Variants in GSK3B observed in about 807,000 individuals in gnomAD.
The protein encoded by GSK3B is glycogen synthase kinase-3 beta.
A neutral mutation model predicts 56.4 loss-of-function variants in GSK3B; 15 were observed. The observed-to-expected ratio is 0.27, with a 90% confidence interval of 0.18 to 0.41. The LOEUF is 0.41. Ranked by LOEUF, GSK3B falls within the 10% of genes least tolerant of loss-of-function variation. GSK3B has a pLI of 1.00. For missense variants in GSK3B, 300 were observed against 513.4 expected (o/e 0.58, Z 4.02); for synonymous variants, 181 against 188.9 (o/e 0.96, Z 0.34).
chr3:119,837,976 G>A (rs2055717409), intron 10 of GSK3B, among the ~76,000 whole-genome samples: 1 of 140,332 alleles, frequency 7.1e-6, no homozygotes, highest in African/African-American at 2.7e-5. Context: ...ATATATTTCA[G>A]TCGACATAAG....
intron 6 of GSK3B, among the ~76,000 whole-genome samples, chr3:119,906,964 C>T (rs979568853): frequency 6.6e-6 from 1 of 151,958 alleles, no homozygotes; most frequent in African/African-American, 2.4e-5. Flanking sequence ...TTGATTTTGT[C>T]CAGTCCTAAC....
intron 2 of GSK3B, among the ~76,000 whole-genome samples, chr3:119,994,653 C>T (rs2057597850): frequency 6.6e-6 from 1 of 152,112 alleles, no homozygotes; most frequent in Non-Finnish European, 1.5e-5. Flanking sequence ...CAATGACATT[C>T]TTTCCAAAAA....
intron 1 of GSK3B, chr3:120,028,705 T>G (rs528564602): frequency 1.1e-4 from 51 of 452,676 alleles, no homozygotes; most frequent in African/African-American, 1.0e-3. Flanking sequence ...CAAAACCATG[T>G]CCTTGCAGGC....
chr3:119,838,892 A>G, intron 10 of GSK3B, among the ~76,000 whole-genome samples: 1 of 152,208 alleles, frequency 6.6e-6, no homozygotes, highest in East Asian at 1.9e-4. Context: ...CTCTTGTTTT[A>G]TACTATAATG....
intron 6 of GSK3B, 133 bp from the exon 7 acceptor site, chr3:119,905,985 G>A: frequency 8.4e-6 from 5 of 592,132 alleles, no homozygotes; most frequent in East Asian, 2.7e-5. Flanking sequence ...CCAAAACAGA[G>A]AAAAAGTCAT....
chr3:119,990,269 C>G (rs1303937267), intron 2 of GSK3B, among the ~76,000 whole-genome samples: 1 of 152,066 alleles, frequency 6.6e-6, no homozygotes, highest in East Asian at 1.9e-4. Flanking sequence ...CAGAGAGATT[C>G]TAACCCCACC....
chr3:119,846,568 G>A (rs2055860220), intron 9 of GSK3B, among the ~76,000 whole-genome samples: 1 of 152,154 alleles, frequency 6.6e-6, no homozygotes, highest in Admixed American at 6.5e-5. Context: ...TTAGAGAAAT[G>A]CAAATCAAAA....
At chr3:120,015,101 A>T (rs577620533) in intron 1 of GSK3B, among the ~76,000 whole-genome samples, 1 of 152,372 alleles carries the variant, frequency 6.6e-6, no homozygotes, top group Non-Finnish European at 1.5e-5. Flanking sequence ...AAATGGAAAT[A>T]GCTGCTACTT....
chr3:119,975,527 GA>G (rs1242161234), intron 2 of GSK3B, among the ~76,000 whole-genome samples: 1 of 152,094 alleles, frequency 6.6e-6, no homozygotes, highest in East Asian at 1.9e-4. Flanking sequence ...AAGCTAATCT[GA>G]AAAGGCTATA....
At chr3:119,854,087 C>T (rs1036214391) in intron 9 of GSK3B, among the ~76,000 whole-genome samples, 3 of 152,128 alleles carry the variant, frequency 2.0e-5, no homozygotes, top group Admixed American at 6.6e-5. Flanking sequence ...ATTTCAGATA[C>T]GTCCCATCAA....
chr3:119,937,529 T>C (rs1193400900), intron 3 of GSK3B, among the ~76,000 whole-genome samples: 3 of 152,070 alleles, frequency 2.0e-5, no homozygotes, highest in African/African-American at 7.3e-5. Flanking sequence ...AGGTATTCCT[T>C]TATAGCAGCA....
At chr3:119,842,442 A>G (rs1426982784) in intron 10 of GSK3B, among the ~76,000 whole-genome samples, 1 of 152,168 alleles carries the variant, frequency 6.6e-6, no homozygotes, top group Non-Finnish European at 1.5e-5. Context: ...TAAACTTATA[A>G]TTTATACTTC....
At chr3:119,852,354 T>G (rs1487309540) in intron 9 of GSK3B, among the ~76,000 whole-genome samples, 1 of 145,212 alleles carries the variant, frequency 6.9e-6, no homozygotes, top group Non-Finnish European at 1.5e-5. Flanking sequence ...AGAACTCTAT[T>G]TTTTTTTTTT....
At chr3:120,014,928 C>T (rs374186102) in intron 1 of GSK3B, among the ~76,000 whole-genome samples, 18 of 152,274 alleles carry the variant, frequency 1.2e-4, no homozygotes, top group African/African-American at 3.9e-4. Flanking sequence ...AGGAAGACAT[C>T]ATGCTACTGA....
rs1331331735 is a variant in GSK3B at position 119,822,398 on chromosome 3, A to G, written c.*4390T>C. The stretch of plus-strand genomic sequence containing the variant: ...TTTACAGGCAAGCAGATTTTCATAC[A>G]ACTATCTGTATCTGCCTGTAGACAG... On this transcript the variant is annotated 3_prime_UTR_variant, in exon 11 of 11. Transcript: ENST00000264235. 2 of 217,638 alleles carry G rather than the reference A, an allele frequency of 9.2e-6. No homozygotes were observed. The highest frequency in any genetic ancestry group is 9.2e-6 in the Non-Finnish European group (1 of 108,492). 13.5% of individuals were successfully genotyped at this position (217,638 alleles called of 1,614,324 possible).
At chr3:120,063,696 GCA>G (rs2058256438) in intron 1 of GSK3B, among the ~76,000 whole-genome samples, 1 of 135,320 alleles carries the variant, frequency 7.4e-6, no homozygotes, top group Admixed American at 8.0e-5. Context: ...CCATTACACT[GCA>G]GCCTGGGTGA....
intron 7 of GSK3B, among the ~76,000 whole-genome samples, chr3:119,899,698 A>G (rs2108074432): frequency 6.6e-6 from 1 of 152,300 alleles, no homozygotes; most frequent in East Asian, 1.9e-4. Context: ...TAACAAAAAC[A>G]AAAAATTGAA....
At chr3:119,930,666 C>A (rs902659940) in intron 3 of GSK3B, among the ~76,000 whole-genome samples, 19 of 152,126 alleles carry the variant, frequency 1.2e-4, no homozygotes, top group Non-Finnish European at 5.9e-5. Flanking sequence ...CAGAGGAACT[C>A]CAGATCAAAC....
At chr3:120,038,780 C>T (rs1333378200) in intron 1 of GSK3B, among the ~76,000 whole-genome samples, 12 of 149,854 alleles carry the variant, frequency 8.0e-5, no homozygotes. Flanking sequence ...TTTGGTTTGA[C>T]GAGGACTTTT....
Sources: allele counts gnomAD v4.1 joint callset (sites outside exome capture counted in the v4.1 genomes callset), GRCh38; gene constraint gnomAD v4.1.1; transcripts MANE v1.5; gene names NCBI Gene and HGNC (gene_info 2026-07-23, HGNC 2026-07-21).